The following NPSR1 variants were observed in gnomAD, a reference collection of about 807,000 sequenced individuals.
The protein encoded by NPSR1 is neuropeptide S receptor.
Under a neutral mutation model 46.9 loss-of-function variants are expected in NPSR1, and 48 were observed. The observed-to-expected ratio is 1.02, with a 90% CI of 0.81 to 1.30. NPSR1 has a LOEUF of 1.30. Among genes scored for constraint, NPSR1 ranks in the 50% most tolerant of loss-of-function variants. The pLI, the probability that NPSR1 is intolerant of heterozygous loss-of-function variation, is 0.00. For missense variants in NPSR1, 450 were observed against 449.5 expected (o/e 1.00, Z -0.01); for synonymous variants, 176 against 168.1 (o/e 1.05, Z -0.36).
intron 4 of NPSR1, among the ~76,000 whole-genome samples, chr7:34,813,472 C>A (rs1473108829): frequency 6.6e-6 from 1 of 152,134 alleles, no homozygotes; most frequent in African/African-American, 2.4e-5. Flanking sequence ...TGCTATATAG[C>A]CTGCCTCTCA....
intron 8 of NPSR1, among the ~76,000 whole-genome samples, chr7:34,871,927 G>C (rs1432391913): frequency 6.6e-6 from 1 of 151,756 alleles, no homozygotes. Flanking sequence ...CTACCATGTT[G>C]GCATCTGGAA....
intron 8 of NPSR1, among the ~76,000 whole-genome samples, chr7:34,870,575 T>C (rs1791427239): frequency 2.0e-5 from 3 of 151,680 alleles, no homozygotes; most frequent in African/African-American, 7.3e-5. Context: ...ATGTAAATGG[T>C]TGGACTGGTG....
At chr7:34,798,314 C>T (rs1788282405) in intron 3 of NPSR1, among the ~76,000 whole-genome samples, 2 of 152,118 alleles carry the variant, frequency 1.3e-5, no homozygotes, top group South Asian at 4.1e-4. Context: ...GCAGGTGGAT[C>T]ACTTGAGGTC....
intron 2 of NPSR1, among the ~76,000 whole-genome samples, chr7:34,724,257 T>C (rs962444775): frequency 2.0e-5 from 3 of 152,204 alleles, no homozygotes; most frequent in African/African-American, 7.2e-5. Context: ...CAGAAACAGA[T>C]TCAGAAAAAT....
At chr7:34,740,105 G>C (rs1399090666) in intron 2 of NPSR1, among the ~76,000 whole-genome samples, 1 of 152,084 alleles carries the variant, frequency 6.6e-6, no homozygotes, top group African/African-American at 2.4e-5. Flanking sequence ...TTATGGTGTG[G>C]TTCCCAGGTC....
chr7:34,811,606 T>C (rs987784837), intron 3 of NPSR1, among the ~76,000 whole-genome samples, 164 bp from the exon 4 acceptor site: 1 of 152,170 alleles, frequency 6.6e-6, no homozygotes, highest in Non-Finnish European at 1.5e-5. Flanking sequence ...GTATTTCCCT[T>C]TCTCTTGTCC....
At chr7:34,798,363 C>T (rs781454142) in intron 3 of NPSR1, among the ~76,000 whole-genome samples, 9 of 152,024 alleles carry the variant, frequency 5.9e-5, no homozygotes, top group South Asian at 4.2e-4. Context: ...GGTGAAACCC[C>T]GTGTCTACTA....
intron 6 of NPSR1, among the ~76,000 whole-genome samples, chr7:34,841,672 G>A (rs1043596943): frequency 6.6e-6 from 1 of 152,188 alleles, no homozygotes; most frequent in African/African-American, 2.4e-5. Context: ...TTCCTGGAAT[G>A]GTCAGATTAA....
chr7:34,784,512 C>T (rs1263107420), intron 3 of NPSR1, among the ~76,000 whole-genome samples: 1 of 152,162 alleles, frequency 6.6e-6, no homozygotes, highest in Non-Finnish European at 1.5e-5. Context: ...ATTGAACCAG[C>T]CTTGCATGCC....
chr7:34,798,897 A>G (rs756561731), intron 3 of NPSR1, among the ~76,000 whole-genome samples: 3 of 152,222 alleles, frequency 2.0e-5, no homozygotes, highest in Non-Finnish European at 4.4e-5. Flanking sequence ...AGATATCTCA[A>G]GAAATATTTT....
chr7:34,834,218 T>A, intron 5 of NPSR1, 166 bp from the exon 6 acceptor site: 1 of 614,216 alleles, frequency 1.6e-6, no homozygotes, highest in Non-Finnish European at 2.9e-6. Context: ...ATCCTCATGG[T>A]CACTTTCAGT....
chr7:34,661,574 T>C (rs555490714), intron 1 of NPSR1, among the ~76,000 whole-genome samples: 3 of 152,290 alleles, frequency 2.0e-5, no homozygotes, highest in Non-Finnish European at 4.4e-5. Flanking sequence ...AGTCTGTTCC[T>C]TCCTCCCACC....
At chr7:34,828,536 A>G (rs1460949246) in intron 5 of NPSR1, among the ~76,000 whole-genome samples, 1 of 143,980 alleles carries the variant, frequency 6.9e-6, no homozygotes, top group African/African-American at 2.6e-5. Context: ...GACTACAGGA[A>G]GAGACCTGGC....
chr7:34,827,638 TGGGGC>T, intron 5 of NPSR1, 36 bp downstream of exon 5: 1 of 179,994 alleles, frequency 5.6e-6, no homozygotes, highest in South Asian at 3.6e-5. Flanking sequence ...CACGGGGGGG[TGGGGC>T]GGGGGGGGCT....
intron 4 of NPSR1, among the ~76,000 whole-genome samples, chr7:34,819,542 T>G (rs1789443220): frequency 6.6e-6 from 1 of 152,168 alleles, no homozygotes; most frequent in African/African-American, 2.4e-5. Context: ...GAAATACTAT[T>G]TGACCCAGCA....
chr7:34,827,951 A>G (rs1303327095), intron 5 of NPSR1, among the ~76,000 whole-genome samples: 1 of 152,260 alleles, frequency 6.6e-6, no homozygotes, highest in Non-Finnish European at 1.5e-5. Flanking sequence ...CTTATTCAAC[A>G]TCAAACAGGA....
At position 34,825,127 on chromosome 7, in the gene NPSR1, G is replaced by A. The variant is rs184217304; in HGVS notation, c.479-2274G>A. Among the ~76,000 whole-genome samples, 793 of 152,250 alleles carry A rather than the reference G, an allele frequency of 5.2e-3. 6 individuals are homozygous for A. The highest frequency in any genetic ancestry group is 8.3e-3 in the Non-Finnish European group (566 of 68,016). On this transcript the variant is annotated intron_variant, in intron 4 of 8. Transcript: ENST00000360581. ...TTTAGGTACCTCATGGCCTGGTGGT[G>A]GTGAAGACATTTTCCTACCGTTCTA...
At chr7:34,819,547 C>T (rs958074938) in intron 4 of NPSR1, among the ~76,000 whole-genome samples, 2 of 152,054 alleles carry the variant, frequency 1.3e-5, no homozygotes, top group Non-Finnish European at 2.9e-5. Flanking sequence ...ACTATTTGAC[C>T]CAGCAATCTT....
intron 2 of NPSR1, among the ~76,000 whole-genome samples, chr7:34,696,152 CAT>C (rs1229328363): frequency 6.8e-6 from 1 of 148,002 alleles, no homozygotes; most frequent in Non-Finnish European, 1.5e-5. Context: ...AGAATGAAAT[CAT>C]GTCCTTTACA....
Sources: allele counts gnomAD v4.1 joint callset (sites outside exome capture counted in the v4.1 genomes callset), GRCh38; gene constraint gnomAD v4.1.1; transcripts MANE v1.5; gene names NCBI Gene and HGNC (gene_info 2026-07-23, HGNC 2026-07-21).